The following SCLT1 variants were observed in gnomAD, a reference collection of about 807,000 sequenced individuals.
SCLT1 encodes sodium channel and clathrin linker 1, also known as sodium channel-associated protein 1.
In SCLT1, 78 loss-of-function variants were observed where a neutral mutation model predicts 112.8. That is an observed-to-expected ratio of 0.69 (90% CI 0.58 to 0.83). The LOEUF (loss-of-function observed/expected upper bound fraction) is 0.83, where lower values mean the gene tolerates loss of function less well. SCLT1 is among the 40% of genes least tolerant of loss of function. SCLT1 has a pLI of 0.00. For missense variants in SCLT1, 747 were observed against 770.4 expected (o/e 0.97, Z 0.36); for synonymous variants, 257 against 254.7 (o/e 1.01, Z -0.09).
At chr4:128,955,925 A>G (rs893576572) in intron 13 of SCLT1, among the ~76,000 whole-genome samples, 1 of 152,228 alleles carries the variant, frequency 6.6e-6, no homozygotes, top group African/African-American at 2.4e-5. Flanking sequence ...CTGAGTGAAT[A>G]GCTGTAATGG....
At chr4:129,006,028 A>C in intron 5 of SCLT1, among the ~76,000 whole-genome samples, 1 of 69,528 alleles carries the variant, frequency 1.4e-5, no homozygotes, top group Admixed American at 2.1e-4. Context: ...GGGTGGGGGG[A>C]GGGGGGAGGG....
At chr4:128,949,345 G>A (rs1738491771) in intron 14 of SCLT1, among the ~76,000 whole-genome samples, 1 of 151,492 alleles carries the variant, frequency 6.6e-6, no homozygotes, top group South Asian at 2.1e-4. Context: ...CCACTGCAGA[G>A]TGCCCCTCAT....
chr4:128,906,478 G>C (rs970438689), intron 18 of SCLT1, among the ~76,000 whole-genome samples: 3 of 152,158 alleles, frequency 2.0e-5, no homozygotes, highest in African/African-American at 7.2e-5. Flanking sequence ...GATTACAGGC[G>C]TGAGTCACTG....
intron 9 of SCLT1, among the ~76,000 whole-genome samples, chr4:128,976,035 C>A (rs188558344): frequency 6.6e-6 from 1 of 152,188 alleles, no homozygotes. Flanking sequence ...TATTTATACA[C>A]ACTTGAAGTT....
At chr4:128,897,192 A>G (rs1388526883) in intron 18 of SCLT1, among the ~76,000 whole-genome samples, 2 of 152,134 alleles carry the variant, frequency 1.3e-5, no homozygotes, top group African/African-American at 4.8e-5. Context: ...GATACTCCTC[A>G]AGAACAGCAA....
At chr4:129,034,940 T>C (rs1031347189) in intron 5 of SCLT1, among the ~76,000 whole-genome samples, 1 of 152,162 alleles carries the variant, frequency 6.6e-6, no homozygotes, top group African/African-American at 2.4e-5. Context: ...ATTAAATCTC[T>C]TTATCAGTAC....
At chr4:128,993,537 T>C (rs909217344) in intron 8 of SCLT1, among the ~76,000 whole-genome samples, 2 of 152,078 alleles carry the variant, frequency 1.3e-5, no homozygotes, top group Admixed American at 6.6e-5. Flanking sequence ...GGTGCTTAAC[T>C]TGCTAGCAAG....
intron 3 of SCLT1, among the ~76,000 whole-genome samples, chr4:128,877,220 C>T (rs1473281612): frequency 6.6e-6 from 1 of 152,104 alleles, no homozygotes; most frequent in Admixed American, 6.5e-5. Flanking sequence ...TTAGTTTAAT[C>T]CTTATAACGT....
At chr4:129,027,976 GAA>G (rs2126137194) in intron 5 of SCLT1, among the ~76,000 whole-genome samples, 1 of 152,248 alleles carries the variant, frequency 6.6e-6, no homozygotes, top group South Asian at 2.1e-4. Context: ...CAAGGGACGG[GAA>G]GGACCTCTTC....
At chr4:128,932,435 A>G (rs950057156) in intron 18 of SCLT1, among the ~76,000 whole-genome samples, 11 of 152,140 alleles carry the variant, frequency 7.2e-5, no homozygotes, top group South Asian at 2.1e-4. Flanking sequence ...TCTAAAAAAC[A>G]TATTTCCTAC....
At chr4:128,934,614 G>A (rs1223741728) in intron 18 of SCLT1, among the ~76,000 whole-genome samples, 1 of 151,724 alleles carries the variant, frequency 6.6e-6, no homozygotes, top group East Asian at 1.9e-4. Flanking sequence ...GTTTTTTGAT[G>A]TAATTATAAA....
chr4:128,992,088 G>T (rs35350849), intron 9 of SCLT1, 79 bp downstream of exon 9: 30,673 of 882,670 alleles, frequency 0.035, 644 homozygotes, highest in Middle Eastern at 0.067. Context: ...AAACACCCAT[G>T]GGGAAAATTA....
At chr4:128,944,973 G>C (rs1738021068) in intron 16 of SCLT1, 2 of 152,140 alleles carry the variant, frequency 1.3e-5, no homozygotes, top group African/African-American at 2.4e-5. Context: ...ATTTATCCTG[G>C]AGAGAAGCTT....
chr4:128,962,318 A>G (rs1037803972), intron 11 of SCLT1, among the ~76,000 whole-genome samples: 1 of 152,212 alleles, frequency 6.6e-6, no homozygotes, highest in Non-Finnish European at 1.5e-5. Context: ...TTAGTCTGAC[A>G]TATTATGTGA....
At chr4:128,975,332 C>G (rs1283378449) in intron 9 of SCLT1, among the ~76,000 whole-genome samples, 1 of 152,038 alleles carries the variant, frequency 6.6e-6, no homozygotes, top group African/African-American at 2.4e-5. Context: ...AGCCACCACA[C>G]CCGGCCAACA....
At chr4:128,947,686 G>A (rs1374197127) in intron 15 of SCLT1, among the ~76,000 whole-genome samples, 1 of 152,036 alleles carries the variant, frequency 6.6e-6, no homozygotes, top group African/African-American at 2.4e-5. Context: ...TACAAGAGCA[G>A]GATATTACTG....
At chr4:129,061,918 C>T (rs1750015671) in intron 2 of SCLT1, among the ~76,000 whole-genome samples, 4 of 152,132 alleles carry the variant, frequency 2.6e-5, no homozygotes, top group Admixed American at 2.6e-4. Flanking sequence ...GTGTTAGTTC[C>T]TGGTTATGTG....
intron 8 of SCLT1, among the ~76,000 whole-genome samples, chr4:128,993,514 T>C (rs1742751926): frequency 6.6e-6 from 1 of 152,068 alleles, no homozygotes; most frequent in African/African-American, 2.4e-5. Context: ...AAGAATCTAG[T>C]GCTGGAAACC....
At chr4:128,956,904 A>C (rs905803166) in intron 13 of SCLT1, 122 bp downstream of exon 13, 8 of 560,050 alleles carry the variant, frequency 1.4e-5, no homozygotes, top group Non-Finnish European at 2.5e-5. Flanking sequence ...TAATAATTTC[A>C]TATGGAGTCT....
Sources: allele counts gnomAD v4.1 joint callset (sites outside exome capture counted in the v4.1 genomes callset), GRCh38; gene constraint gnomAD v4.1.1; transcripts MANE v1.5; gene names NCBI Gene and HGNC (gene_info 2026-07-23, HGNC 2026-07-21).